The following RANBP17 variants were observed in gnomAD, a reference collection of about 807,000 sequenced individuals.
The protein encoded by RANBP17 is ran-binding protein 17.
RANBP17 carries 158 observed loss-of-function variants against 141.2 expected under a neutral mutation model. That is an observed-to-expected ratio of 1.12 (90% CI 0.98 to 1.28). RANBP17 has a LOEUF of 1.28. RANBP17 is among the 50% of genes most tolerant of loss of function. The pLI is 0.00. For synonymous variants in RANBP17, 430 were observed against 450.0 expected, an observed-to-expected ratio of 0.96 and a Z score of 0.56; for missense variants, 1,438 against 1,290.7, an observed-to-expected ratio of 1.11 and a Z score of -1.75.
At chr5:170,901,672 C>T (rs1438556587) in intron 5 of RANBP17, among the ~76,000 whole-genome samples, 2 of 152,300 alleles carry the variant, frequency 1.3e-5, no homozygotes, top group South Asian at 2.1e-4. Flanking sequence ...TTTTTCCTTT[C>T]CATATTTCGT....
At chr5:171,154,587 T>C (rs1758724970) in intron 14 of RANBP17, among the ~76,000 whole-genome samples, 1 of 152,178 alleles carries the variant, frequency 6.6e-6, no homozygotes, top group Non-Finnish European at 1.5e-5. Context: ...GCCAAGATTA[T>C]TTTATGTATA....
intron 5 of RANBP17, among the ~76,000 whole-genome samples, chr5:170,906,587 T>C (rs930165908): frequency 5.9e-5 from 9 of 152,122 alleles, no homozygotes; most frequent in Admixed American, 5.9e-4. Flanking sequence ...TTAATACATA[T>C]TTTGTGAAAA....
chr5:171,293,450 C>T (rs1011003334), intron 25 of RANBP17, among the ~76,000 whole-genome samples: 1 of 152,218 alleles, frequency 6.6e-6, no homozygotes, highest in Non-Finnish European at 1.5e-5. Flanking sequence ...GTCCCATTCC[C>T]CTCCCTCTCT....
At chr5:171,141,318 T>C (rs115810707) in intron 14 of RANBP17, among the ~76,000 whole-genome samples, 95 of 151,812 alleles carry the variant, frequency 6.3e-4, no homozygotes, top group Non-Finnish European at 1.1e-3. Flanking sequence ...AAAGATAGGC[T>C]GGGCGCAGTG....
intron 14 of RANBP17, among the ~76,000 whole-genome samples, chr5:171,004,800 T>A (rs1357587342): frequency 6.6e-6 from 1 of 152,148 alleles, no homozygotes; most frequent in African/African-American, 2.4e-5. Flanking sequence ...TTAGGAGGAA[T>A]CCCAGGCTGA....
At chr5:171,065,904 A>C (rs1397009592) in intron 14 of RANBP17, among the ~76,000 whole-genome samples, 1 of 151,378 alleles carries the variant, frequency 6.6e-6, no homozygotes, top group African/African-American at 2.4e-5. Flanking sequence ...TCTGTCGCCC[A>C]GATTGAAGTG....
At chr5:171,180,309 C>G (rs1271611329) in intron 16 of RANBP17, among the ~76,000 whole-genome samples, 1 of 152,188 alleles carries the variant, frequency 6.6e-6, no homozygotes, top group Non-Finnish European at 1.5e-5. Flanking sequence ...TGAAAAGACC[C>G]TATGTTTTAG....
chr5:171,214,125 G>A (rs1345345289), intron 21 of RANBP17, among the ~76,000 whole-genome samples: 1 of 152,142 alleles, frequency 6.6e-6, no homozygotes, highest in Non-Finnish European at 1.5e-5. Flanking sequence ...TTTATTTGAT[G>A]GATAAGGAAA....
chr5:171,093,215 C>CCA (rs1554096760), intron 14 of RANBP17, among the ~76,000 whole-genome samples: 1,528 of 150,234 alleles, frequency 0.01, 26 homozygotes, highest in African/African-American at 0.036. Flanking sequence ...AGTCTCCCCC[C>CCA]AAAAAAAAAA....
At chr5:170,882,686 C>T (rs961091693) in intron 3 of RANBP17, among the ~76,000 whole-genome samples, 3 of 152,074 alleles carry the variant, frequency 2.0e-5, no homozygotes, top group Admixed American at 2.0e-4. Flanking sequence ...GATGCTATAT[C>T]AAAATCATTT....
intron 14 of RANBP17, among the ~76,000 whole-genome samples, chr5:170,998,722 C>G (rs941367210): frequency 6.6e-6 from 1 of 152,042 alleles, no homozygotes; most frequent in South Asian, 2.1e-4. Flanking sequence ...GAAATCAAAT[C>G]GTCTCTTATG....
intron 3 of RANBP17, among the ~76,000 whole-genome samples, chr5:170,883,265 C>T (rs1768865665): frequency 6.6e-6 from 1 of 152,156 alleles, no homozygotes; most frequent in African/African-American, 2.4e-5. Flanking sequence ...TTTCAATACA[C>T]ATCTTTTAAA....
At chr5:171,222,625 C>T (rs139324134) in intron 22 of RANBP17, among the ~76,000 whole-genome samples, 1 of 152,148 alleles carries the variant, frequency 6.6e-6, no homozygotes, top group East Asian at 1.9e-4. Flanking sequence ...TGTAAAGTTG[C>T]CTGTTATTCT....
intron 12 of RANBP17, among the ~76,000 whole-genome samples, chr5:170,930,364 TTTTA>T (rs1373222847): frequency 6.6e-6 from 1 of 151,572 alleles, no homozygotes; most frequent in African/African-American, 2.4e-5. Flanking sequence ...AGTTTTGTAG[TTTTA>T]TTATTACTTT....
rs79288889 is a variant in RANBP17, at chr5:170,914,748, A to G, written c.834+508A>G. Among the ~76,000 whole-genome samples the G allele has an allele frequency of 5.3e-5, 8 of 152,236 alleles. No individual in the cohort carries two copies. In the East Asian group the frequency reaches 5.8e-4, roughly 11 times the overall value. On this transcript the variant is annotated intron_variant, in intron 8 of 27. Transcript: ENST00000523189. ...TATTTTTTGAATCAGTGTAAATTCT[A>G]TTGCATGCTTAAAAAGTTCTTGATA...
In RANBP17 at chr5:171,005,505, A is replaced by G. The variant is rs188123559; in HGVS notation, c.1710+37128A>G. Among the ~76,000 whole-genome samples, 1,433 of 152,356 alleles carry G rather than the reference A, an allele frequency of 9.4e-3. 15 individuals are homozygous for G. The highest frequency in any genetic ancestry group is 0.015 in the Non-Finnish European group (1,049 of 68,034). On this transcript the variant is annotated intron_variant, in intron 14 of 27. Coordinates refer to ENST00000523189, the MANE Select transcript of RANBP17 (RefSeq NM_022897.5). ...ACAAGAAATGGGAAAAGGATTCTCTATTTAATAAATGGTGCTGGGAAAACT... is the reference window on the plus strand; with the variant it reads ...ACAAGAAATGGGAAAAGGATTCTCTGTTTAATAAATGGTGCTGGGAAAACT...
chr5:170,943,186 T>G (rs1423295739), intron 12 of RANBP17, among the ~76,000 whole-genome samples: 3 of 152,166 alleles, frequency 2.0e-5, no homozygotes, highest in African/African-American at 7.2e-5. Context: ...CTGTGTGTAG[T>G]AGTATTAGTT....
At chr5:171,214,536 A>G (rs192805995) in intron 21 of RANBP17, among the ~76,000 whole-genome samples, 4 of 152,280 alleles carry the variant, frequency 2.6e-5, no homozygotes, top group African/African-American at 9.6e-5. Flanking sequence ...GTATCCAGAC[A>G]GGGAAGGGTA....
At chr5:170,998,004 C>T (rs1487876705) in intron 14 of RANBP17, among the ~76,000 whole-genome samples, 1 of 151,490 alleles carries the variant, frequency 6.6e-6, no homozygotes, top group African/African-American at 2.4e-5. Context: ...AATCCCAGCA[C>T]TTTGGGAGGC....
Sources: allele counts gnomAD v4.1 joint callset (sites outside exome capture counted in the v4.1 genomes callset), GRCh38; gene constraint gnomAD v4.1.1; transcripts MANE v1.5; gene names NCBI Gene and HGNC (gene_info 2026-07-23, HGNC 2026-07-21).